CLUL1: variants seen among roughly 807,000 people sequenced by gnomAD.
CLUL1 encodes clusterin-like protein 1.
CLUL1 carries 43 observed loss-of-function variants against 49.4 expected under a neutral mutation model. That is an observed-to-expected ratio of 0.87 (90% CI 0.68 to 1.12). CLUL1 has a LOEUF of 1.12. Ranked by LOEUF, CLUL1 falls within the 50% of genes most tolerant of loss-of-function variation. The pLI is 0.00. For synonymous variants in CLUL1, 192 were observed against 184.9 expected (o/e 1.04, Z -0.31); for missense variants, 486 against 544.4 (o/e 0.89, Z 1.07).
chr18:629,848 T>C (rs1269808767), intron 6 of CLUL1, among the ~76,000 whole-genome samples: 1 of 152,186 alleles, frequency 6.6e-6, no homozygotes, highest in Non-Finnish European at 1.5e-5. Flanking sequence ...TTATCAAGAA[T>C]AGTCAGGCAG....
chr18:598,685 A>G (rs1354232822), intron 1 of CLUL1: 6 of 396,900 alleles, frequency 1.5e-5, no homozygotes, highest in Admixed American at 4.4e-5. Context: ...CAGATTTTCC[A>G]TGGGCTCACC....
At chr18:602,369 G>A (rs2072857622) in intron 1 of CLUL1, among the ~76,000 whole-genome samples, 1 of 152,070 alleles carries the variant, frequency 6.6e-6, no homozygotes, top group Non-Finnish European at 1.5e-5. Context: ...CCAGGAAGGG[G>A]GGCTGGATCA....
intron 2 of CLUL1, among the ~76,000 whole-genome samples, chr18:609,859 C>T (rs911349348): frequency 6.7e-6 from 1 of 148,526 alleles, no homozygotes; most frequent in African/African-American, 2.5e-5. Flanking sequence ...GATTTTGGAG[C>T]ATTTTGGATT....
chr18:602,267 C>A (rs969791610), intron 1 of CLUL1, among the ~76,000 whole-genome samples: 2 of 152,218 alleles, frequency 1.3e-5, no homozygotes, highest in East Asian at 3.8e-4. Context: ...AGGAACCTTT[C>A]ATTTAGTACA....
rs770468886 is a variant in CLUL1, at chr18:606,630, C to T, written c.-135-348C>T. 6.6e-6 allele frequency among the ~76,000 whole-genome samples: 1 copy of T among 152,078 alleles called. No individual in the cohort carries two copies. The highest frequency in any genetic ancestry group is 1.5e-5 in the Non-Finnish European group (1 of 68,012). On this transcript the variant is annotated intron_variant, in intron 1 of 9. Transcript: ENST00000692774. This position sits in a 1 kb window ranked among gnomAD's most constrained non-coding sequence, Gnocchi z 4.1. ...CTGGCTTTCTCACCCAGGGCTCGCC[C>T]CAGAACAACCACCGGCTTCTTTCAG...
intron 2 of CLUL1, among the ~76,000 whole-genome samples, chr18:608,678 A>G (rs919576175): frequency 6.6e-6 from 1 of 152,076 alleles, no homozygotes; most frequent in African/African-American, 2.4e-5. Context: ...TGATCTCACT[A>G]CTACACTCCA....
rs555814292 is a variant in CLUL1, at chr18:607,235, C to A, written c.-14+136C>A. 2.0e-4 allele frequency: 123 copies of A among 609,274 alleles called. No individual in the cohort carries two copies. The African/African-American group carries it at 2.2e-3, about 11-fold the overall frequency. The allele number at this position is 609,274 out of a possible 1,614,324, so 37.7% of individuals were successfully genotyped here. On this transcript the variant is annotated intron_variant, in intron 2 of 9. Coordinates refer to ENST00000692774, the MANE Select transcript of CLUL1 (RefSeq NM_001393344.1). ...TTCTGCCTCCCAGATTTAAGGGTTT[C>A]TCTTGCCTCAGCCTCCCTACTAGCT...
chr18:603,105 T>C (rs548601282), intron 1 of CLUL1, among the ~76,000 whole-genome samples: 1 of 152,196 alleles, frequency 6.6e-6, no homozygotes. Context: ...AGTATGGGTA[T>C]ACCATGAAAG....
chr18:636,116 A>G (rs2074130172), intron 7 of CLUL1, among the ~76,000 whole-genome samples: 1 of 152,204 alleles, frequency 6.6e-6, no homozygotes, highest in Admixed American at 6.5e-5. Context: ...CACAATACTA[A>G]TAAAGGTTAC....
intron 9 of CLUL1, among the ~76,000 whole-genome samples, chr18:649,404 G>T (rs1439248521): frequency 6.6e-6 from 1 of 152,166 alleles, no homozygotes; most frequent in East Asian, 1.9e-4. Flanking sequence ...TTTGCAATGT[G>T]TTTTATTTCC....
At position 624,926 on chromosome 18, in the gene CLUL1, G is replaced by T. The variant is rs774188940; in HGVS notation, c.317G>T (p.Arg106Leu). 1 of 1,614,090 alleles carries T rather than the reference G, an allele frequency of 6.2e-7. No individual in the cohort carries two copies. Among genetic ancestry groups the T allele is most frequent in the Non-Finnish European group, 8.5e-7 (1 of 1,179,960 alleles). ...CTGGAGGAAGAAGAAAGGCTATGCC[G>T]GGAGTCTTTGGCAGATTCCTGGGGT... ...EHLEEEERLC[R>L]ESLADSWGEC... is the part of the protein sequence containing the mutation. The change falls in exon 5 of 10, where the codon CGG (arginine) becomes CTG (leucine). Residue 106 changes from arginine (R) to leucine (L), a missense_variant. Arg to Leu is a moderately radical substitution (Grantham distance 102, BLOSUM62 -2). Coordinates refer to ENST00000692774, the MANE Select transcript of CLUL1 (RefSeq NM_001393344.1).
chr18:643,045 C>A (rs1287883455), intron 8 of CLUL1, among the ~76,000 whole-genome samples: 1 of 152,116 alleles, frequency 6.6e-6, no homozygotes, highest in Non-Finnish European at 1.5e-5. Context: ...TTTTTTCAAA[C>A]TACAAAGCTG....
intron 5 of CLUL1, among the ~76,000 whole-genome samples, chr18:626,793 G>C (rs780193003): frequency 6.8e-6 from 1 of 147,528 alleles, no homozygotes; most frequent in African/African-American, 2.5e-5. Context: ...CCCAGGAGGC[G>C]GAGGTTGCAG....
At position 650,020 on chromosome 18, in the gene CLUL1, T is replaced by C; in HGVS notation, c.*119T>C. 1 of 696,768 alleles carries C rather than the reference T, an allele frequency of 1.4e-6. No individual in the cohort carries two copies. The highest frequency in any genetic ancestry group is 2.5e-6 in the Non-Finnish European group (1 of 406,974). 43.2% of individuals were successfully genotyped at this position (696,768 alleles called of 1,614,324 possible). ...CAGTTGCAGGAAAGTATGTTAGCTA[T>C]ATACTATGAAGTACTCTTAGTTTAC... On this transcript the variant is annotated 3_prime_UTR_variant, in exon 10 of 10. Coordinates refer to ENST00000692774, the MANE Select transcript of CLUL1 (RefSeq NM_001393344.1).
rs56076402 is a variant in CLUL1 at position 646,497 on chromosome 18, G to GACACACACACACAC, written c.1397+1429_1397+1442dup. On this transcript the variant is annotated intron_variant, in intron 9 of 9. Coordinates refer to ENST00000692774, the MANE Select transcript of CLUL1 (RefSeq NM_001393344.1). ...AACAGGGGCACAAGACAGATAGATA[G>GACACACACACACAC]ACACACACACACACACACACACACA... Among the ~76,000 whole-genome samples, 16 of 141,274 alleles carry GACACACACACACAC rather than the reference G, an allele frequency of 1.1e-4. 1 individual carries two copies. Among genetic ancestry groups the GACACACACACACAC allele is most frequent in the Admixed American group, 2.8e-4 (4 of 14,114 alleles). 92.7% of individuals were successfully genotyped at this position (141,274 alleles called of 152,430 possible). A position where few individuals can be genotyped will look rare whatever the true frequency, so the allele number is the denominator to read the frequency against.
intron 1 of CLUL1, among the ~76,000 whole-genome samples, chr18:600,108 A>T (rs2072782591): frequency 1.3e-5 from 2 of 152,150 alleles, no homozygotes; most frequent in African/African-American, 4.8e-5. Context: ...GCATGTTGTG[A>T]CTGAACTCAG....
Position 641,343 on chromosome 18 carries a change from T to C in CLUL1, c.1011T>C (p.Pro337=), listed in dbSNP as rs2074338150. The C allele has an allele frequency of 6.2e-7, 1 of 1,614,198 alleles. No homozygotes were observed. Among genetic ancestry groups the C allele is most frequent in the Non-Finnish European group, 8.5e-7 (1 of 1,180,038 alleles). ...CTCTGCTAGACTGTCCTGATGTACC[T>C]GCTCTGCACACAGAATTAGACGAGG... ...AHLSEDCPDV[P]ALHTELDEAI... The change falls in exon 8 of 10, where the codon CCT becomes CCC. Residue 337 remains proline, a synonymous_variant. Transcript: ENST00000692774.
At chr18:599,532 A>G (rs1240084742) in intron 1 of CLUL1, among the ~76,000 whole-genome samples, 1 of 152,204 alleles carries the variant, frequency 6.6e-6, no homozygotes, top group Non-Finnish European at 1.5e-5. Context: ...AAACTTTAGA[A>G]ATAATTGATT....
chr18:645,686 C>T (rs1346454572), intron 9 of CLUL1, among the ~76,000 whole-genome samples: 41 of 146,614 alleles, frequency 2.8e-4, no homozygotes, highest in African/African-American at 9.5e-4. Flanking sequence ...CCCAGCTACT[C>T]GGGAGGCTGA....
Sources: allele counts gnomAD v4.1 joint callset (sites outside exome capture counted in the v4.1 genomes callset), GRCh38; gene constraint gnomAD v4.1.1; non-coding constraint Gnocchi (gnomAD v3.1); transcripts MANE v1.5; gene names NCBI Gene and HGNC (gene_info 2026-07-23, HGNC 2026-07-21).